The following XKR9 variants were observed in gnomAD, a reference collection of about 807,000 sequenced individuals.
XKR9 encodes the protein XK-related protein 9.
Under a neutral mutation model 32.0 loss-of-function variants are expected in XKR9, and 32 were observed. That is an observed-to-expected ratio of 1.00 (90% CI 0.76 to 1.34). XKR9 has a LOEUF of 1.34. Among genes scored for constraint, XKR9 ranks in the 40% most tolerant of loss-of-function variants. XKR9 has a pLI of 0.00. For missense variants in XKR9, 546 were observed against 429.7 expected (o/e 1.27, Z -2.39); for synonymous variants, 168 against 143.4 (o/e 1.17, Z -1.22).
At chr8:70,920,079 G>C in the XKR9 span, among the ~76,000 whole-genome samples, 2 of 152,252 alleles carry the variant, frequency 1.3e-5, no homozygotes, top group East Asian at 3.9e-4. Flanking sequence ...ATGCCTATGA[G>C]ACAATGCTTA....
At chr8:70,976,443 T>A in the XKR9 span, among the ~76,000 whole-genome samples, 1 of 152,236 alleles carries the variant, frequency 6.6e-6, no homozygotes, top group Non-Finnish European at 1.5e-5. Context: ...TTGAATTTTG[T>A]TGAAGGCCTT....
chr8:71,009,035 G>A, the XKR9 span, among the ~76,000 whole-genome samples: 1 of 152,150 alleles, frequency 6.6e-6, no homozygotes, highest in Non-Finnish European at 1.5e-5. Context: ...GGAGTTCGAT[G>A]TGTTATTTGG....
the XKR9 span, among the ~76,000 whole-genome samples, chr8:70,933,994 T>C: frequency 2.6e-5 from 4 of 151,944 alleles, no homozygotes; most frequent in African/African-American, 9.7e-5. Flanking sequence ...GTTAAACAAA[T>C]TTCTCAAGGC....
the XKR9 span, among the ~76,000 whole-genome samples, chr8:70,884,374 T>C: frequency 6.6e-6 from 1 of 152,180 alleles, no homozygotes; most frequent in Non-Finnish European, 1.5e-5. Flanking sequence ...TTTTGAACAT[T>C]AATGAAGTCC....
At chr8:70,923,480 C>T in the XKR9 span, among the ~76,000 whole-genome samples, 1 of 152,356 alleles carries the variant, frequency 6.6e-6, no homozygotes, top group South Asian at 2.1e-4. Flanking sequence ...GGCAAATTCA[C>T]TGTGAAGTTG....
At chr8:70,837,054 C>G in the XKR9 span, among the ~76,000 whole-genome samples, 1 of 152,050 alleles carries the variant, frequency 6.6e-6, no homozygotes, top group Admixed American at 6.6e-5. Context: ...TTCAAAATAC[C>G]AGTTCTACCA....
the XKR9 span, among the ~76,000 whole-genome samples, chr8:70,869,145 C>T: frequency 2.6e-5 from 4 of 152,216 alleles, no homozygotes; most frequent in South Asian, 6.2e-4. Context: ...ATGGAGCCCT[C>T]CAAATGGTTC....
At chr8:70,936,255 T>C in the XKR9 span, among the ~76,000 whole-genome samples, 1 of 152,056 alleles carries the variant, frequency 6.6e-6, no homozygotes, top group Non-Finnish European at 1.5e-5. Context: ...AGGACAGTGA[T>C]TGAAGTTCAA....
the XKR9 span, among the ~76,000 whole-genome samples, chr8:70,862,024 C>T: frequency 6.6e-6 from 1 of 151,992 alleles, no homozygotes; most frequent in East Asian, 1.9e-4. Context: ...TTTCCTTTTG[C>T]CTTTGTCCAT....
At chr8:71,059,775 C>T in the XKR9 span, among the ~76,000 whole-genome samples, 6 of 152,166 alleles carry the variant, frequency 3.9e-5, no homozygotes, top group African/African-American at 1.2e-4. Flanking sequence ...CTACCCTGTA[C>T]CCTTTTACCT....
intron 2 of XKR9, among the ~76,000 whole-genome samples, chr8:70,742,079 C>G (rs927098804): frequency 1.3e-5 from 2 of 150,918 alleles, no homozygotes; most frequent in African/African-American, 2.4e-5. Context: ...TTTTTATGTG[C>G]TTATTGGCCA....
Position 70,734,041 on chromosome 8 carries a change from T to C in XKR9, c.739T>C (p.Phe247Leu), listed in dbSNP as rs201445722. Reference sequence around the variant, plus strand: ...TTGGTTGTTAGGTATAATATGGGCATTTAAAAACAACACCCAGTTTTGTAC... The same window carrying C: ...TTGGTTGTTAGGTATAATATGGGCACTTAAAAACAACACCCAGTTTTGTAC... ...FLWLLGIIWA[F>L]KNNTQFCTCI... is the part of the protein sequence containing the mutation. The change falls in exon 5 of 5, where the codon TTT (phenylalanine) becomes CTT (leucine). Residue 247 changes from phenylalanine to leucine, a missense_variant. Coordinates refer to ENST00000408926, the MANE Select transcript of XKR9 (RefSeq NM_001011720.2). The C allele has an allele frequency of 8.7e-6, 14 of 1,613,502 alleles. No homozygotes were observed. The African/African-American group carries it at 1.5e-4, about 17-fold the overall frequency.
At chr8:70,678,698 G>C (rs917532640) in intron 2 of XKR9, among the ~76,000 whole-genome samples, 1 of 151,750 alleles carries the variant, frequency 6.6e-6, no homozygotes, top group Non-Finnish European at 1.5e-5. Context: ...GTTTTTTTCT[G>C]TCCTGTTGGC....
chr8:71,047,963 G>A, the XKR9 span, among the ~76,000 whole-genome samples: 8 of 152,200 alleles, frequency 5.3e-5, no homozygotes, highest in Non-Finnish European at 8.8e-5. Context: ...AGTGGTAACT[G>A]TATAAATTAA....
chr8:70,794,532 G>C (rs1807804111), downstream of XKR9, among the ~76,000 whole-genome samples: 1 of 152,000 alleles, frequency 6.6e-6, no homozygotes, highest in Non-Finnish European at 1.5e-5. Context: ...TGTTTTCCTA[G>C]TTTGTTGAAT....
intron 2 of XKR9, among the ~76,000 whole-genome samples, chr8:70,746,607 A>G (rs751304478): frequency 2.1e-4 from 32 of 151,900 alleles, no homozygotes; most frequent in African/African-American, 2.7e-4. Flanking sequence ...CAGGACTGTT[A>G]TATTTTCTTT....
At chr8:71,050,288 TATAG>T in the XKR9 span, among the ~76,000 whole-genome samples, 6 of 133,460 alleles carry the variant, frequency 4.5e-5, no homozygotes, top group East Asian at 2.5e-4. Flanking sequence ...TAGATATAGA[TATAG>T]ATATATATAT....
chr8:70,728,955 T>G (rs888799941), intron 4 of XKR9, among the ~76,000 whole-genome samples: 1 of 152,180 alleles, frequency 6.6e-6, no homozygotes, highest in Admixed American at 6.5e-5. Flanking sequence ...GGTCCCAGGA[T>G]AACTCAGGGC....
At chr8:70,698,835 T>C (rs1216430213) in intron 3 of XKR9, among the ~76,000 whole-genome samples, 3 of 152,102 alleles carry the variant, frequency 2.0e-5, no homozygotes, top group African/African-American at 4.8e-5. Flanking sequence ...TCTTTGTAGG[T>C]CACTCGGGAC....
Sources: allele counts gnomAD v4.1 joint callset (sites outside exome capture counted in the v4.1 genomes callset), GRCh38; gene constraint gnomAD v4.1.1; transcripts MANE v1.5; gene names NCBI Gene and HGNC (gene_info 2026-07-23, HGNC 2026-07-21).